NFATC3: variants seen among roughly 807,000 people sequenced by gnomAD.
The protein encoded by NFATC3 is nuclear factor of activated T cells 3.
In NFATC3, 46 loss-of-function variants were observed where a neutral mutation model predicts 98.6. The ratio of observed to expected loss-of-function variants is 0.47; its 90% confidence interval spans 0.37 to 0.60. The LOEUF (loss-of-function observed/expected upper bound fraction) is 0.60. Among genes scored for constraint, NFATC3 ranks in the 20% least tolerant of loss-of-function variants. The pLI is 0.00. For synonymous variants in NFATC3, 512 were observed against 472.2 expected, an observed-to-expected ratio of 1.08 and a Z score of -1.09; for missense variants, 1,256 against 1,295.5, an observed-to-expected ratio of 0.97 and a Z score of 0.47.
intron 9 of NFATC3, chr16:68,224,785 G>A (rs1457445909): frequency 6.6e-6 from 1 of 151,956 alleles, no homozygotes; most frequent in Non-Finnish European, 1.5e-5. Context: ...GTTAATACTT[G>A]GAAGATTTTT....
In NFATC3 at chr16:68,142,695, T is replaced by C. The variant is rs866440802; in HGVS notation, c.1402-15174T>C. Among the ~76,000 whole-genome samples, 15 of 152,020 alleles carry C rather than the reference T, an allele frequency of 9.9e-5. No individual in the cohort carries two copies. The South Asian group carries it at 2.9e-3, about 30-fold the overall frequency. The stretch of plus-strand genomic sequence containing the variant: ...CTCATTTGAACCTGGAAGCCAGAGG[T>C]TGCAGTGAGCTGAGATCATGCCATT... On this transcript the variant is annotated intron_variant, in intron 3 of 9. Coordinates refer to ENST00000346183, the MANE Select transcript of NFATC3 (RefSeq NM_173165.3).
rs201708716 is a variant in NFATC3 at position 68,191,460 on chromosome 16, T to A, written c.2791T>A (p.Ser931Thr). The change falls in exon 9 of 10, where the codon TCT becomes ACT. Residue 931 changes from serine to threonine, a missense_variant. Transcript: ENST00000346183. ...GSATTASPAASHPLASSPLSG... is the reference protein window; with the variant it reads ...GSATTASPAATHPLASSPLSG... ...TGCTACAACAGCTTCCCCAGCAGCT[T>A]CTCATCCCTTGGCTAGTTCACCGCT... 3.6e-5 allele frequency: 58 copies of A among 1,614,084 alleles called. No individual in the cohort carries two copies. The highest frequency in any genetic ancestry group is 4.6e-5 in the Non-Finnish European group (54 of 1,180,018).
intron 4 of NFATC3, among the ~76,000 whole-genome samples, chr16:68,163,812 G>A (rs1404680487): frequency 8.0e-5 from 12 of 149,348 alleles, no homozygotes; most frequent in South Asian, 4.3e-4. Flanking sequence ...TGGGCGGCCG[G>A]GCAGAGACGC....
At chr16:68,188,324 TC>T (rs1241669105) in intron 8 of NFATC3, among the ~76,000 whole-genome samples, 2 of 152,132 alleles carry the variant, frequency 1.3e-5, no homozygotes, top group Non-Finnish European at 2.9e-5. Context: ...TGGGGCTTCT[TC>T]CTGCTACCGC....
intron 3 of NFATC3, among the ~76,000 whole-genome samples, chr16:68,148,770 G>A (rs915654196): frequency 6.6e-6 from 1 of 152,198 alleles, no homozygotes; most frequent in Admixed American, 6.5e-5. Context: ...CACCTTAGGA[G>A]GTTGAGGCGG....
At chr16:68,115,759 A>AT (rs2036243526) in intron 1 of NFATC3, among the ~76,000 whole-genome samples, 1 of 151,184 alleles carries the variant, frequency 6.6e-6, no homozygotes, top group Non-Finnish European at 1.5e-5. Flanking sequence ...TTTGTTTTAA[A>AT]TTTTTTTTCT....
At chr16:68,170,427 T>C (rs1213145709) in intron 5 of NFATC3, among the ~76,000 whole-genome samples, 3 of 149,978 alleles carry the variant, frequency 2.0e-5, no homozygotes, top group African/African-American at 7.3e-5. Flanking sequence ...CAAAGAATAG[T>C]ATAATATTAA....
At chr16:68,201,410 T>TTTTTTGTTTG (rs1288976559) in intron 9 of NFATC3, among the ~76,000 whole-genome samples, 1 of 150,478 alleles carries the variant, frequency 6.6e-6, no homozygotes, top group Non-Finnish European at 1.5e-5. Flanking sequence ...TTTTGGGGGG[T>TTTTTTGTTTG]TTTTTGTTTG....
At chr16:68,119,013 G>A (rs925638389) in intron 1 of NFATC3, among the ~76,000 whole-genome samples, 16 of 152,050 alleles carry the variant, frequency 1.1e-4, no homozygotes, top group African/African-American at 3.6e-4. Flanking sequence ...GACCACAGGC[G>A]CCTGCCACCA....
At position 68,126,750 on chromosome 16, in the gene NFATC3, T is replaced by C. The variant is rs2036854304; in HGVS notation, c.1401+140T>C. The C allele has an allele frequency of 2.0e-5, 14 of 703,416 alleles. No individual in the cohort carries two copies. In the South Asian group the frequency reaches 2.4e-4, roughly 12 times the overall value. 43.6% of individuals were successfully genotyped at this position (703,416 alleles called of 1,614,324 possible). Reference sequence around the variant, plus strand: ...CTCTGTTGTTTTGGGGGCTTGTTGATGTGACTACACTTGTGCATTGAGTTA... The same window carrying C: ...CTCTGTTGTTTTGGGGGCTTGTTGACGTGACTACACTTGTGCATTGAGTTA... On this transcript the variant is annotated intron_variant, in intron 3 of 9. Transcript: ENST00000346183.
chr16:68,203,189 A>C (rs939278365), intron 9 of NFATC3, among the ~76,000 whole-genome samples: 5 of 152,210 alleles, frequency 3.3e-5, no homozygotes, highest in Admixed American at 6.5e-5. Context: ...TTTTAGGCCT[A>C]ATGAAGAAAG....
chr16:68,102,376 A>G (rs1409875976), intron 1 of NFATC3, among the ~76,000 whole-genome samples: 1 of 138,298 alleles, frequency 7.2e-6, no homozygotes, highest in African/African-American at 3.0e-5. Context: ...CATCTCAGGA[A>G]AAAAAAAAAA....
chr16:68,171,844 A>G (rs2039477789), intron 5 of NFATC3, among the ~76,000 whole-genome samples: 1 of 151,102 alleles, frequency 6.6e-6, no homozygotes, highest in African/African-American at 2.4e-5. Context: ...GGTGGAGTGC[A>G]GTGGCGCGAT....
chr16:68,225,966 GGTTT>G, intron 9 of NFATC3: 1 of 156,858 alleles, frequency 6.4e-6, no homozygotes, highest in Non-Finnish European at 1.4e-5. Context: ...ACATCACAGT[GGTTT>G]ATTCTGACCA....
At chr16:68,170,689 T>C (rs2039419672) in intron 5 of NFATC3, among the ~76,000 whole-genome samples, 1 of 151,876 alleles carries the variant, frequency 6.6e-6, no homozygotes, top group Admixed American at 6.6e-5. Context: ...GATGGGGTTT[T>C]ACCATGTTGG....
intron 5 of NFATC3, among the ~76,000 whole-genome samples, chr16:68,173,802 A>G (rs1598503892): frequency 6.6e-6 from 1 of 152,310 alleles, no homozygotes; most frequent in East Asian, 1.9e-4. Context: ...TGGAGTCAGT[A>G]TGAAGTTGAA....
chr16:68,119,069 G>A (rs540211132), intron 1 of NFATC3, among the ~76,000 whole-genome samples: 2 of 152,018 alleles, frequency 1.3e-5, no homozygotes, highest in Admixed American at 6.6e-5. Context: ...GGGTTTCACC[G>A]TGTTAGCCAG....
At chr16:68,200,202 G>A (rs2040856893) in intron 9 of NFATC3, 1 of 151,796 alleles carries the variant, frequency 6.6e-6, no homozygotes, top group Non-Finnish European at 1.5e-5. Context: ...CTTGAACCGT[G>A]ATGTTTAAGT....
At chr16:68,115,975 C>T (rs1365635339) in intron 1 of NFATC3, among the ~76,000 whole-genome samples, 1 of 152,072 alleles carries the variant, frequency 6.6e-6, no homozygotes, top group East Asian at 1.9e-4. Flanking sequence ...GTATGCATTG[C>T]ACTCATTAGA....
Sources: gnomAD v4.1 joint callset for allele counts (sites outside exome capture counted in the v4.1 genomes callset) on GRCh38, gnomAD v4.1.1 for gene constraint, MANE v1.5 for transcripts, NCBI Gene and HGNC (gene_info 2026-07-23, HGNC 2026-07-21) for gene names.